TTC7B: variants seen among roughly 807,000 people sequenced by gnomAD.
The protein encoded by TTC7B is tetratricopeptide repeat domain 7B.
TTC7B carries 28 observed loss-of-function variants against 106.8 expected under a neutral mutation model. The observed-to-expected ratio is 0.26, with a 90% CI of 0.19 to 0.36. The LOEUF (loss-of-function observed/expected upper bound fraction) is 0.36, where lower values mean the gene tolerates loss of function less well. TTC7B is among the 10% of genes least tolerant of loss of function. TTC7B has a pLI of 1.00. For missense variants in TTC7B, 862 were observed against 1,076.4 expected, an observed-to-expected ratio of 0.80 and a Z score of 2.79; for synonymous variants, 405 against 430.6, an observed-to-expected ratio of 0.94 and a Z score of 0.74.
rs559878306 is a variant in TTC7B, at chr14:90,665,256, C to A, written c.1153-6869G>T. Among the ~76,000 whole-genome samples, 5 of 152,308 alleles carry A rather than the reference C, an allele frequency of 3.3e-5. No homozygotes were observed. In the South Asian group the frequency reaches 8.3e-4, roughly 25 times the overall value. ...ATCACATGACTGCCACCTCTCTAATCCCAGATAACATTCATTTAATACCAT... is the reference window on the plus strand; with the variant it reads ...ATCACATGACTGCCACCTCTCTAATACCAGATAACATTCATTTAATACCAT... On this transcript the variant is annotated intron_variant, in intron 9 of 19. Coordinates refer to ENST00000328459, the MANE Select transcript of TTC7B (RefSeq NM_001010854.2).
intron 1 of TTC7B, among the ~76,000 whole-genome samples, chr14:90,813,118 C>G (rs1566901470): frequency 1.3e-5 from 2 of 152,236 alleles, no homozygotes; most frequent in African/African-American, 4.8e-5. Context: ...CTAGAACATG[C>G]TTCTCCACCT....
intron 15 of TTC7B, among the ~76,000 whole-genome samples, chr14:90,638,839 A>T (rs1195505125): frequency 6.6e-6 from 1 of 152,260 alleles, no homozygotes; most frequent in Non-Finnish European, 1.5e-5. Context: ...TGACAGTGAC[A>T]AGACAGTGGC....
intron 5 of TTC7B, among the ~76,000 whole-genome samples, chr14:90,696,985 G>A (rs75617345): frequency 0.04 from 6,119 of 152,254 alleles, 174 homozygotes; most frequent in Non-Finnish European, 0.06. Context: ...TAAGTAACAC[G>A]GCGGGAAGGA....
chr14:90,598,590 G>A (rs1188377207), intron 17 of TTC7B, among the ~76,000 whole-genome samples: 1 of 152,206 alleles, frequency 6.6e-6, no homozygotes, highest in Non-Finnish European at 1.5e-5. Context: ...ATGAGTCCAA[G>A]CTCTGAACCC....
intron 2 of TTC7B, among the ~76,000 whole-genome samples, chr14:90,784,571 A>G (rs1397167150): frequency 6.6e-6 from 1 of 151,640 alleles, no homozygotes; most frequent in African/African-American, 2.4e-5. Flanking sequence ...AAAAAAAAAC[A>G]TATGAGATGG....
intron 15 of TTC7B, among the ~76,000 whole-genome samples, chr14:90,629,708 A>C (rs1884606523): frequency 6.6e-6 from 1 of 152,212 alleles, no homozygotes; most frequent in Non-Finnish European, 1.5e-5. Flanking sequence ...AAAAGCACAA[A>C]AATAAATAAA....
At chr14:90,593,735 A>G in intron 17 of TTC7B, 109 bp from the exon 18 acceptor site, 3 of 1,150,104 alleles carry the variant, frequency 2.6e-6, no homozygotes, top group Non-Finnish European at 3.5e-6. Flanking sequence ...TTCCCCCATG[A>G]TGTTTCTAAG....
At position 90,816,402 on chromosome 14, in the gene TTC7B, G is replaced by T. The variant is rs2031194438; in HGVS notation, c.-107C>A. On this transcript the variant is annotated 5_prime_UTR_variant, in exon 1 of 20. Coordinates refer to ENST00000328459, the MANE Select transcript of TTC7B (RefSeq NM_001010854.2). ...GCCGCGGGCTCGGGCTCCGGCTCCC[G>T]GCTCCGCGGCGTAACGGGAGCGCCG... 2 of 586,798 alleles carry T rather than the reference G, an allele frequency of 3.4e-6. No individual in the cohort carries two copies. The highest frequency in any genetic ancestry group is 4.2e-6 in the Non-Finnish European group (2 of 470,996). The allele number at this position is 586,798 out of a possible 1,614,324, so 36.3% of individuals were successfully genotyped here. A position where few individuals can be genotyped will look rare whatever the true frequency, so the allele number is the denominator to read the frequency against.
chr14:90,630,894 G>C (rs1346880791), intron 15 of TTC7B, among the ~76,000 whole-genome samples: 2 of 150,554 alleles, frequency 1.3e-5, no homozygotes, highest in East Asian at 3.9e-4. Context: ...GAGTGCAGTG[G>C]CATGATCTCG....
intron 15 of TTC7B, among the ~76,000 whole-genome samples, chr14:90,621,077 G>T (rs1211722336): frequency 6.6e-6 from 1 of 152,250 alleles, no homozygotes; most frequent in Non-Finnish European, 1.5e-5. Context: ...GGTACGGCTG[G>T]GATGATGGGG....
At chr14:90,659,501 C>G (rs12435479) in intron 9 of TTC7B, among the ~76,000 whole-genome samples, 34,944 of 151,686 alleles carry the variant, frequency 0.23, 4,138 homozygotes, top group African/African-American at 0.28. Context: ...TATTCAGAGG[C>G]AAGGCAGTGG....
rs970751183 is a variant in TTC7B, at chr14:90,757,058, G to A, written c.446-12136C>T. Among the ~76,000 whole-genome samples, 3 of 152,086 alleles carry A rather than the reference G, an allele frequency of 2.0e-5. No homozygotes were observed. Among genetic ancestry groups the A allele is most frequent in the East Asian group, 3.9e-4 (2 of 5,182 alleles). On this transcript the variant is annotated intron_variant, in intron 3 of 19. Coordinates refer to ENST00000328459, the MANE Select transcript of TTC7B (RefSeq NM_001010854.2). The surrounding 1 kb of genome is among the most constrained non-coding windows in gnomAD (Gnocchi z 4.1). ...AATGGGAAGAGGCAGAAGAGATCAT[G>A]GAGTCAGAGACAAACAGTTAGCAGA...
chr14:90,545,007 C>T (rs758624375), intron 19 of TTC7B, among the ~76,000 whole-genome samples: 1 of 152,214 alleles, frequency 6.6e-6, no homozygotes, highest in Non-Finnish European at 1.5e-5. Context: ...GGGTTTTTCC[C>T]CACTGGGCAC....
chr14:90,775,337 G>A (rs1482919791), intron 3 of TTC7B, among the ~76,000 whole-genome samples: 1 of 152,172 alleles, frequency 6.6e-6, no homozygotes, highest in Non-Finnish European at 1.5e-5. Context: ...GCACAACCCT[G>A]TAAGGTAGAT....
intron 15 of TTC7B, among the ~76,000 whole-genome samples, chr14:90,619,935 C>A (rs1029596146): frequency 1.3e-5 from 2 of 152,172 alleles, no homozygotes; most frequent in African/African-American, 4.8e-5. Context: ...TTCCTTCACC[C>A]TGCATGATGT....
chr14:90,794,211 C>CTTTTTTTTT (rs1186061223), intron 1 of TTC7B, among the ~76,000 whole-genome samples: 1 of 45,096 alleles, frequency 2.2e-5, no homozygotes, highest in African/African-American at 7.1e-5. Context: ...CTGGGTATTT[C>CTTTTTTTTT]TTTTTTTTTT....
At chr14:90,774,765 C>T (rs183481393) in intron 3 of TTC7B, among the ~76,000 whole-genome samples, 3 of 152,206 alleles carry the variant, frequency 2.0e-5, no homozygotes, top group East Asian at 1.9e-4. Flanking sequence ...CTAGGCTGGG[C>T]GCGGTGGCTC....
chr14:90,745,313 A>AAAG (rs1555395559), intron 3 of TTC7B, among the ~76,000 whole-genome samples: 20 of 136,072 alleles, frequency 1.5e-4, no homozygotes, highest in African/African-American at 4.7e-4. Flanking sequence ...AAAAAAAAAA[A>AAAG]AAGAAGAAGA....
chr14:90,751,577 TTTTTTTA>T (rs1400369913), intron 3 of TTC7B, among the ~76,000 whole-genome samples: 9 of 151,420 alleles, frequency 5.9e-5, no homozygotes, highest in East Asian at 3.9e-4. Context: ...TTTTTATTTA[TTTTTTTA>T]TTTTTTATTT....
Sources: gnomAD v4.1 joint callset for allele counts (sites outside exome capture counted in the v4.1 genomes callset) on GRCh38, gnomAD v4.1.1 for gene constraint, Gnocchi (gnomAD v3.1) non-coding constraint, MANE v1.5 for transcripts, NCBI Gene and HGNC (gene_info 2026-07-23, HGNC 2026-07-21) for gene names.